CCSER1: variants seen among roughly 807,000 people sequenced by gnomAD.
CCSER1 encodes the protein coiled-coil serine rich protein 1, also known as serine-rich coiled-coil domain-containing protein 1.
CCSER1 carries 41 observed loss-of-function variants against 82.0 expected under a neutral mutation model. That is an observed-to-expected ratio of 0.50 (90% CI 0.39 to 0.65). The LOEUF is 0.65. Ranked by LOEUF, CCSER1 falls within the 30% of genes least tolerant of loss-of-function variation. The probability of loss-of-function intolerance (pLI) is 0.00; values close to 1 mark genes in which losing one functional copy is unlikely to be tolerated. For missense variants in CCSER1, 1,119 were observed against 1,064.2 expected, an observed-to-expected ratio of 1.05 and a Z score of -0.72; for synonymous variants, 414 against 383.9, an observed-to-expected ratio of 1.08 and a Z score of -0.92.
At chr4:90,128,168 G>A (rs986080631) in intron 1 of CCSER1, among the ~76,000 whole-genome samples, 1 of 152,196 alleles carries the variant, frequency 6.6e-6, no homozygotes, top group African/African-American at 2.4e-5. Context: ...GGCGGCGAGA[G>A]TTGGCGCAGG....
chr4:90,495,276 T>A (rs1349881562), intron 5 of CCSER1, among the ~76,000 whole-genome samples: 2 of 152,164 alleles, frequency 1.3e-5, no homozygotes, highest in African/African-American at 4.8e-5. Context: ...GTGAAGCATG[T>A]TGTGACTAGA....
intron 10 of CCSER1, among the ~76,000 whole-genome samples, chr4:91,149,594 G>A (rs1169894586): frequency 6.6e-6 from 1 of 152,164 alleles, no homozygotes; most frequent in Non-Finnish European, 1.5e-5. Context: ...TTTTCTGCTA[G>A]AGTTTTTATC....
At chr4:90,913,803 CA>C in intron 8 of CCSER1, among the ~76,000 whole-genome samples, 1 of 130,668 alleles carries the variant, frequency 7.7e-6, no homozygotes, top group South Asian at 2.2e-4. Flanking sequence ...GAAGAGCTAC[CA>C]AGCAAATGGA....
intron 10 of CCSER1, among the ~76,000 whole-genome samples, chr4:91,398,439 A>T: frequency 6.6e-6 from 1 of 151,980 alleles, no homozygotes; most frequent in East Asian, 1.9e-4. Context: ...ACTTTAAATT[A>T]AAAGTTAAAT....
At chr4:91,283,986 G>A (rs1231042682) in intron 10 of CCSER1, among the ~76,000 whole-genome samples, 1 of 152,008 alleles carries the variant, frequency 6.6e-6, no homozygotes, top group Non-Finnish European at 1.5e-5. Flanking sequence ...CCTATAATAT[G>A]TTTGTAGTAA....
chr4:91,090,104 G>A (rs191211274), intron 10 of CCSER1, among the ~76,000 whole-genome samples: 2 of 152,326 alleles, frequency 1.3e-5, no homozygotes, highest in Admixed American at 6.5e-5. Flanking sequence ...TTGTGCCCAA[G>A]TGGTGGGTCC....
intron 10 of CCSER1, among the ~76,000 whole-genome samples, chr4:91,094,398 C>T (rs1415364895): frequency 2.0e-5 from 3 of 152,182 alleles, no homozygotes; most frequent in Non-Finnish European, 4.4e-5. Flanking sequence ...AACCAGCTGT[C>T]CTCAGCTGGC....
Position 90,532,799 on chromosome 4 carries a change from C to T in CCSER1, c.1724+64445C>T, listed in dbSNP as rs146468185. 6.0e-3 allele frequency among the ~76,000 whole-genome samples: 911 copies of T among 152,224 alleles called. 3 individuals carry two copies. Among genetic ancestry groups the T allele is most frequent in the African/African-American group, 0.015 (604 of 41,532 alleles). On this transcript the variant is annotated intron_variant, in intron 5 of 10. Coordinates refer to ENST00000509176, the MANE Select transcript of CCSER1 (RefSeq NM_001145065.2). ...TTGTAGCTTTATATCTCTAGACCGT[C>T]CCACTATGTACAAATAGATCGACTT... is the stretch of plus-strand genomic sequence containing the variant.
chr4:91,077,818 G>T (rs916766418), intron 9 of CCSER1, among the ~76,000 whole-genome samples: 1 of 152,188 alleles, frequency 6.6e-6, no homozygotes, highest in Non-Finnish European at 1.5e-5. Flanking sequence ...GGTTCAGAGG[G>T]CCCCATGGCC....
intron 10 of CCSER1, among the ~76,000 whole-genome samples, chr4:91,528,713 T>C (rs934905992): frequency 6.6e-6 from 1 of 152,172 alleles, no homozygotes; most frequent in Non-Finnish European, 1.5e-5. Flanking sequence ...AGTAACCCAC[T>C]CCATGCTTAT....
chr4:90,627,871 A>G (rs941074074), intron 5 of CCSER1, 154 bp from the exon 6 acceptor site: 1 of 621,696 alleles, frequency 1.6e-6, no homozygotes, highest in South Asian at 2.0e-5. Context: ...GTGAGACTCC[A>G]TCTCAAAAAA....
At chr4:90,982,147 A>T (rs1439196388) in intron 9 of CCSER1, among the ~76,000 whole-genome samples, 1 of 151,830 alleles carries the variant, frequency 6.6e-6, no homozygotes, top group Non-Finnish European at 1.5e-5. Flanking sequence ...ACAGTTTTAA[A>T]ATCTGAGACA....
At chr4:90,557,245 C>G (rs953245453) in intron 5 of CCSER1, among the ~76,000 whole-genome samples, 1 of 151,908 alleles carries the variant, frequency 6.6e-6, no homozygotes, top group African/African-American at 2.4e-5. Context: ...TTTGGAATAT[C>G]ATTATTTGTG....
rs545468923 is a variant in CCSER1, at chr4:91,570,589, C to T, written c.2218-27983C>T. ...GGCTTGCACCCTCTGAAGCCACGAC[C>T]CAAGCTGTACCTTGGCCCCCTTTAG... On this transcript the variant is annotated intron_variant, in intron 10 of 10. Transcript: ENST00000509176. Among the ~76,000 whole-genome samples, 30 of 152,304 alleles carry T rather than the reference C, an allele frequency of 2.0e-4. No individual in the cohort carries two copies. The South Asian group carries it at 6.0e-3, about 30-fold the overall frequency.
chr4:90,171,056 C>T (rs1350223440), intron 1 of CCSER1, among the ~76,000 whole-genome samples: 5 of 151,536 alleles, frequency 3.3e-5, no homozygotes, highest in Non-Finnish European at 7.4e-5. Flanking sequence ...CGAATTGCCT[C>T]TATTGTGACT....
chr4:91,346,580 G>C (rs1355634580), intron 10 of CCSER1, among the ~76,000 whole-genome samples: 1 of 152,108 alleles, frequency 6.6e-6, no homozygotes, highest in Non-Finnish European at 1.5e-5. Flanking sequence ...TTCCAAAGTG[G>C]CTGGGCTATT....
chr4:90,226,753 TG>T (rs1743238726), intron 1 of CCSER1, among the ~76,000 whole-genome samples: 1 of 152,212 alleles, frequency 6.6e-6, no homozygotes, highest in South Asian at 2.1e-4. Flanking sequence ...AGAAAGAGCT[TG>T]TTCTTCAGCT....
At chr4:90,763,599 C>T (rs1361286775) in intron 7 of CCSER1, among the ~76,000 whole-genome samples, 1 of 152,088 alleles carries the variant, frequency 6.6e-6, no homozygotes, top group Non-Finnish European at 1.5e-5. Flanking sequence ...AATCAGTTCA[C>T]AGAGCACATC....
intron 1 of CCSER1, among the ~76,000 whole-genome samples, chr4:90,277,682 G>C (rs1418203347): frequency 6.6e-6 from 1 of 151,942 alleles, no homozygotes; most frequent in Non-Finnish European, 1.5e-5. Flanking sequence ...GTTAACACAA[G>C]ATGGATTAAA....
Sources: allele counts gnomAD v4.1 joint callset (sites outside exome capture counted in the v4.1 genomes callset), GRCh38; gene constraint gnomAD v4.1.1; transcripts MANE v1.5; gene names NCBI Gene and HGNC (gene_info 2026-07-23, HGNC 2026-07-21).